RBFOX1: variants seen among roughly 807,000 people sequenced by gnomAD.
RBFOX1 encodes the protein RNA binding fox-1 homolog 1, also known as RNA binding protein fox-1 homolog 1.
In RBFOX1, 8 loss-of-function variants were observed where a neutral mutation model predicts 57.7. The ratio of observed to expected loss-of-function variants is 0.14; its 90% CI spans 0.08 to 0.25. The LOEUF (loss-of-function observed/expected upper bound fraction) is 0.25, where lower values mean the gene tolerates loss of function less well. Ranked by LOEUF, RBFOX1 falls within the 10% of genes least tolerant of loss-of-function variation. The pLI is 1.00. For synonymous variants in RBFOX1, 326 were observed against 222.4 expected (o/e 1.47, Z -4.15); for missense variants, 611 against 548.5 (o/e 1.11, Z -1.14).
chr16:5,889,583 A>T (rs1426643674), intron 4 of RBFOX1, among the ~76,000 whole-genome samples: 1 of 152,166 alleles, frequency 6.6e-6, no homozygotes, highest in Non-Finnish European at 1.5e-5. Context: ...TGTATTTAGC[A>T]CCCACTATGT....
chr16:7,178,132 GCAA>G (rs901120928), intron 4 of RBFOX1, among the ~76,000 whole-genome samples: 4 of 152,170 alleles, frequency 2.6e-5, no homozygotes, highest in Admixed American at 6.5e-5. Context: ...AGCAGCAGCA[GCAA>G]CAACAACAAC....
At chr16:6,567,670 C>A (rs1567711505) in intron 2 of RBFOX1, among the ~76,000 whole-genome samples, 1 of 152,136 alleles carries the variant, frequency 6.6e-6, no homozygotes, top group Non-Finnish European at 1.5e-5. Flanking sequence ...GCCTGGCACC[C>A]AGTAGATATT....
At chr16:6,699,688 G>T (rs2061544827) in intron 3 of RBFOX1, among the ~76,000 whole-genome samples, 1 of 152,140 alleles carries the variant, frequency 6.6e-6, no homozygotes, top group South Asian at 2.1e-4. Flanking sequence ...ACAAGGCATT[G>T]GGTTAACACA....
intron 2 of RBFOX1, among the ~76,000 whole-genome samples, chr16:6,480,936 T>A (rs1257606090): frequency 6.6e-6 from 1 of 152,158 alleles, no homozygotes; most frequent in African/African-American, 2.4e-5. Flanking sequence ...GCTAGATGGG[T>A]ATTTAGTCTG....
At chr16:6,859,195 ATG>A (rs202082886) in intron 3 of RBFOX1, among the ~76,000 whole-genome samples, 2 of 122,022 alleles carry the variant, frequency 1.6e-5, no homozygotes, top group African/African-American at 6.3e-5. Context: ...GTATATATAT[ATG>A]TATATATATA....
chr16:5,507,474 T>G (rs2043418495), intron 2 of RBFOX1, among the ~76,000 whole-genome samples: 1 of 152,142 alleles, frequency 6.6e-6, no homozygotes, highest in African/African-American at 2.4e-5. Flanking sequence ...AGCAGGCAGC[T>G]TCCCAGTGGG....
At chr16:6,116,808 C>G (rs1052637984) in intron 1 of RBFOX1, among the ~76,000 whole-genome samples, 1 of 151,964 alleles carries the variant, frequency 6.6e-6, no homozygotes, top group African/African-American at 2.4e-5. Flanking sequence ...AGACATGGGA[C>G]AGCAGAGAAG....
intron 4 of RBFOX1, among the ~76,000 whole-genome samples, chr16:7,128,971 A>C (rs12325235): frequency 0.32 from 48,544 of 151,422 alleles, 8,578 homozygotes; most frequent in African/African-American, 0.48. Flanking sequence ...CAGGTGCATG[A>C]CACCACGCCC....
At chr16:6,928,767 A>G (rs1462894433) in intron 3 of RBFOX1, among the ~76,000 whole-genome samples, 1 of 152,188 alleles carries the variant, frequency 6.6e-6, no homozygotes, top group Non-Finnish European at 1.5e-5. Context: ...ATCATTTCAC[A>G]TTGTTTGATT....
chr16:7,539,190 T>C (rs1229689016), intron 5 of RBFOX1, among the ~76,000 whole-genome samples: 1 of 152,156 alleles, frequency 6.6e-6, no homozygotes, highest in African/African-American at 2.4e-5. Context: ...ATGATACTTT[T>C]TGAAGAAAAC....
intron 3 of RBFOX1, among the ~76,000 whole-genome samples, chr16:5,699,649 T>G (rs7203513): frequency 0.91 from 138,390 of 152,026 alleles, 63,408 homozygotes; most frequent in Non-Finnish European, 0.96. Context: ...CAGCTCTGGG[T>G]TGGGGTGTGC....
chr16:5,482,639 A>G (rs567921178), intron 2 of RBFOX1, among the ~76,000 whole-genome samples: 1 of 152,232 alleles, frequency 6.6e-6, no homozygotes, highest in East Asian at 1.9e-4. Context: ...TTAGGAAGGA[A>G]TGTCTTGATT....
chr16:7,419,664 T>C (rs747259810), intron 4 of RBFOX1, among the ~76,000 whole-genome samples: 5 of 152,212 alleles, frequency 3.3e-5, no homozygotes, highest in Non-Finnish European at 5.9e-5. Flanking sequence ...CTTTTATCTT[T>C]CTTCAAAATT....
intron 3 of RBFOX1, among the ~76,000 whole-genome samples, chr16:6,858,288 C>T (rs1224695548): frequency 6.6e-6 from 1 of 152,176 alleles, no homozygotes; most frequent in East Asian, 1.9e-4. Context: ...GAGGTCTTCC[C>T]TCTCTGTGTT....
At position 7,451,679 on chromosome 16, in the gene RBFOX1, TC is replaced by T. The variant is rs941248144; in HGVS notation, c.28-66462del. On this transcript the variant is annotated intron_variant, in intron 4 of 15. Coordinates refer to ENST00000550418, the MANE Select transcript of RBFOX1 (RefSeq NM_018723.4). The stretch of plus-strand genomic sequence containing the variant: ...CTTTAAATGAGTTGTTGGCTGCCCC[TC>T]CCCCCGCCCCGTATTCTCTTTGTGA... 5.1e-5 allele frequency among the ~76,000 whole-genome samples: 5 copies of T among 98,012 alleles called. No homozygotes were observed. In the Admixed American group the frequency reaches 6.1e-4, roughly 12 times the overall value. The allele number at this position is 98,012 out of a possible 152,430, so 64.3% of individuals were successfully genotyped here.
At chr16:7,120,858 CAT>C (rs59713303) in intron 4 of RBFOX1, among the ~76,000 whole-genome samples, 124 of 139,142 alleles carry the variant, frequency 8.9e-4, no homozygotes, top group African/African-American at 1.3e-3. Flanking sequence ...CACACACACA[CAT>C]ACGTAAACAT....
intron 3 of RBFOX1, among the ~76,000 whole-genome samples, chr16:6,921,771 A>G (rs527729562): frequency 1.4e-5 from 2 of 147,666 alleles, no homozygotes; most frequent in South Asian, 2.2e-4. Flanking sequence ...ATATATGAAG[A>G]TGTATGTTGT....
chr16:6,505,720 A>G (rs1340728165), intron 2 of RBFOX1, among the ~76,000 whole-genome samples: 1 of 152,236 alleles, frequency 6.6e-6, no homozygotes, highest in Non-Finnish European at 1.5e-5. Flanking sequence ...TTTGGTACAG[A>G]CTAAAAACTC....
intron 4 of RBFOX1, among the ~76,000 whole-genome samples, chr16:7,308,097 G>C (rs1351545614): frequency 6.6e-6 from 1 of 152,138 alleles, no homozygotes; most frequent in African/African-American, 2.4e-5. Flanking sequence ...TCCTGATAGA[G>C]AAGAAATAGA....
Sources: gnomAD v4.1 joint callset for allele counts (sites outside exome capture counted in the v4.1 genomes callset) on GRCh38, gnomAD v4.1.1 for gene constraint, MANE v1.5 for transcripts, NCBI Gene and HGNC (gene_info 2026-07-23, HGNC 2026-07-21) for gene names.